The following TRPM6 variants were observed in gnomAD, a reference collection of about 807,000 sequenced individuals.
TRPM6 encodes the protein channel kinase 2.
Under a neutral mutation model 247.6 loss-of-function variants are expected in TRPM6, and 111 were observed. The observed-to-expected ratio is 0.45, with a 90% CI of 0.38 to 0.52. TRPM6 has a LOEUF of 0.52. Ranked by LOEUF, TRPM6 falls within the 20% of genes least tolerant of loss-of-function variation. The probability of loss-of-function intolerance (pLI) is 0.00; values close to 1 mark genes in which losing one functional copy is unlikely to be tolerated. For synonymous variants in TRPM6, 892 were observed against 853.8 expected, an observed-to-expected ratio of 1.04 and a Z score of -0.78; for missense variants, 2,126 against 2,421.5, an observed-to-expected ratio of 0.88 and a Z score of 2.56.
At chr9:74,885,247 G>A (rs141097313) in intron 1 of TRPM6, among the ~76,000 whole-genome samples, 3 of 152,328 alleles carry the variant, frequency 2.0e-5, no homozygotes, top group African/African-American at 7.2e-5. Flanking sequence ...ACTATATTCA[G>A]AGGATCTATG....
rs149993615 is a variant in TRPM6 at position 74,862,862 on chromosome 9, T to C, written c.34-4114A>G. On this transcript the variant is annotated intron_variant, in intron 1 of 38. Coordinates refer to ENST00000360774, the MANE Select transcript of TRPM6 (RefSeq NM_017662.5). ...CTGACGTGGTGTCGGGCGCCTATAG[T>C]CCCAGTTACTCAGGAGGCTGAGGCA... is the stretch of plus-strand genomic sequence containing the variant. Among the ~76,000 whole-genome samples the C allele has an allele frequency of 8.3e-3, 1,264 of 151,662 alleles. 21 individuals are homozygous for C. The highest frequency in any genetic ancestry group is 0.029 in the African/African-American group (1,203 of 41,422).
At chr9:74,737,545 TAAAAG>T in intron 36 of TRPM6, 8 of 677,976 alleles carry the variant, frequency 1.2e-5, no homozygotes, top group South Asian at 1.1e-4. Context: ...TTAAAAGAAA[TAAAAG>T]AACAGTGAAA....
rs1398140454 is a variant in TRPM6, at chr9:74,728,330, C to A, written c.5844G>T (p.Val1948=). 1 of 1,612,274 alleles carries A rather than the reference C, an allele frequency of 6.2e-7. No homozygotes were observed. Among genetic ancestry groups the A allele is most frequent in the Non-Finnish European group, 8.5e-7 (1 of 1,178,468 alleles). Residue 1948 remains valine (V), a synonymous_variant, in exon 38 of 39, where the codon GTG becomes GTT. Coordinates refer to ENST00000360774, the MANE Select transcript of TRPM6 (RefSeq NM_017662.5). ...CTTCCCCCAAATTGGCCGGTCCAAA[C>A]ACCATTCCTCTTGATCTAGAGGAAA... ...KPEVKQSRGM[V]FGPANLGEDA...
rs1219162611 is a variant in TRPM6 at position 74,776,238 on chromosome 9, A to G, written c.3210-162T>C. On this transcript the variant is annotated intron_variant, in intron 23 of 38. Coordinates refer to ENST00000360774, the MANE Select transcript of TRPM6 (RefSeq NM_017662.5). ...TTACAATTCTTCTTCCACCAAACAAAATATATTAGCTACCTTCTACAATGA... is the reference window on the plus strand; with the variant it reads ...TTACAATTCTTCTTCCACCAAACAAGATATATTAGCTACCTTCTACAATGA... 4 of 675,504 alleles carry G rather than the reference A, an allele frequency of 5.9e-6. No homozygotes were observed. The East Asian group carries it at 1.1e-4, about 19-fold the overall frequency. The allele number at this position is 675,504 out of a possible 1,614,324, so 41.8% of individuals were successfully genotyped here.
chr9:74,837,092 C>T (rs1009350819), intron 5 of TRPM6, among the ~76,000 whole-genome samples: 6 of 152,208 alleles, frequency 3.9e-5, no homozygotes, highest in South Asian at 4.1e-4. Flanking sequence ...TCTTTCATTC[C>T]TAACACCTAT....
intron 9 of TRPM6, among the ~76,000 whole-genome samples, chr9:74,817,978 TA>T (rs1192421280): frequency 6.6e-6 from 1 of 152,146 alleles, no homozygotes; most frequent in Non-Finnish European, 1.5e-5. Flanking sequence ...ATCATAAAGA[TA>T]AAAAACTATG....
At chr9:74,744,024 G>T (rs1156479721) in intron 32 of TRPM6, 71 bp downstream of exon 32, 4 of 1,471,208 alleles carry the variant, frequency 2.7e-6, no homozygotes, top group Non-Finnish European at 3.8e-6. Context: ...ATTTGTCAGT[G>T]TTTCTGTTTA....
At chr9:74,800,904 G>GTTTT (rs773826827) in intron 16 of TRPM6, among the ~76,000 whole-genome samples, 1 of 110,522 alleles carries the variant, frequency 9.0e-6, no homozygotes. Context: ...AATAAAGTGT[G>GTTTT]TTTTTTTTTT....
intron 1 of TRPM6, 120 bp downstream of exon 1, chr9:74,887,704 C>T (rs1587617401): frequency 6.2e-7 from 1 of 1,610,972 alleles, no homozygotes; most frequent in African/African-American, 1.3e-5. Context: ...CCTAGCTATT[C>T]TAGATCCTCG....
rs575807861 is a variant in TRPM6, at chr9:74,884,413, C to T, written c.33+3411G>A. 2.1e-3 allele frequency among the ~76,000 whole-genome samples: 325 copies of T among 151,822 alleles called. 1 individual carries two copies. Among genetic ancestry groups the T allele is most frequent in the African/African-American group, 7.5e-3 (310 of 41,408 alleles). ...CTGAGGCAGGAGAATGGTGTGAACC[C>T]AGCAGGCGGAGCTTGCACTGAGCTG... On this transcript the variant is annotated intron_variant, in intron 1 of 38. Coordinates refer to ENST00000360774, the MANE Select transcript of TRPM6 (RefSeq NM_017662.5).
intron 3 of TRPM6, among the ~76,000 whole-genome samples, chr9:74,852,169 T>C (rs1830343550): frequency 6.6e-6 from 1 of 151,904 alleles, no homozygotes; most frequent in Non-Finnish European, 1.5e-5. Flanking sequence ...AATGATAGTA[T>C]TGCAATGTAG....
At chr9:74,852,850 C>T (rs530946996) in intron 3 of TRPM6, among the ~76,000 whole-genome samples, 3 of 152,124 alleles carry the variant, frequency 2.0e-5, no homozygotes, top group South Asian at 4.2e-4. Flanking sequence ...ACAACCTCCA[C>T]CTCCCAGCCA....
rs1349257411 is a variant in TRPM6, at chr9:74,723,851, T to C, written c.*762A>G. ...AAAATATATATATTCCATATGTATT[T>C]TATATATATAATATATATATTCCAT... On this transcript the variant is annotated 3_prime_UTR_variant, in exon 39 of 39. Coordinates refer to ENST00000360774, the MANE Select transcript of TRPM6 (RefSeq NM_017662.5). The C allele has an allele frequency of 6.9e-6, 1 of 145,040 alleles. No homozygotes were observed. The highest frequency in any genetic ancestry group is 2.5e-5 in the African/African-American group (1 of 40,132). The allele number at this position is 145,040 out of a possible 1,614,324, so 9.0% of individuals were successfully genotyped here. A position where few individuals can be genotyped will look rare whatever the true frequency, so the allele number is the denominator to read the frequency against.
chr9:74,766,390 G>A (rs1826825193), intron 25 of TRPM6, among the ~76,000 whole-genome samples: 1 of 152,186 alleles, frequency 6.6e-6, no homozygotes, highest in African/African-American at 2.4e-5. Context: ...TGCAAGGTAC[G>A]AGGATGGAAG....
At position 74,762,330 on chromosome 9, in the gene TRPM6, T is replaced by G; in HGVS notation, c.4341A>C (p.Gln1447His). Reference sequence around the variant, plus strand: ...CCCAGTTTACATATCCACCTCCAGTTTGCATGATCTTGGCTTGGGAAAGAG... The same window carrying G: ...CCCAGTTTACATATCCACCTCCAGTGTGCATGATCTTGGCTTGGGAAAGAG... ...SSPLSQAKIM[Q>H]TGGGYVNWAF... The change falls in exon 26 of 39, where the codon CAA becomes CAC. Residue 1447 changes from glutamine (Q) to histidine (H), a missense_variant. This residue lies in a region of TRPM6 where 717 missense variants were observed against 715.9 expected (regional missense o/e 1.00). Transcript: ENST00000360774. 6.2e-7 allele frequency: 1 copy of G among 1,614,232 alleles called. No individual in the cohort carries two copies. Among genetic ancestry groups the G allele is most frequent in the Non-Finnish European group, 8.5e-7 (1 of 1,180,034 alleles).
intron 7 of TRPM6, among the ~76,000 whole-genome samples, chr9:74,825,459 G>A (rs552433247): frequency 1.5e-4 from 4 of 27,246 alleles, no homozygotes; most frequent in South Asian, 2.5e-3. Flanking sequence ...TCTTTCTTCC[G>A]TGTGTGTGTG....
chr9:74,755,213 T>C, intron 28 of TRPM6, 140 bp downstream of exon 28: 2 of 963,794 alleles, frequency 2.1e-6, no homozygotes, highest in South Asian at 2.8e-5. Flanking sequence ...AAAATGCTAT[T>C]TTCCTTACAG....
In TRPM6 at chr9:74,762,361, C is replaced by G; in HGVS notation, c.4310G>C (p.Ser1437Thr). 1 of 1,614,206 alleles carries G rather than the reference C, an allele frequency of 6.2e-7. No homozygotes were observed. The highest frequency in any genetic ancestry group is 8.5e-7 in the Non-Finnish European group (1 of 1,180,042). Residue 1437 changes from serine to threonine, a missense_variant, in exon 26 of 39, where the codon AGC becomes ACC. By Grantham distance (58) the Ser-to-Thr change is moderately conservative. Around this residue, in one of 3 missense-constraint regions of TRPM6, gnomAD observed 717 missense variants for 715.9 expected, o/e 1.00. Transcript: ENST00000360774. ...LSCTPEPMTMSSPLSQAKIMQ... is the reference protein window; with the variant it reads ...LSCTPEPMTMTSPLSQAKIMQ... ...GATCTTGGCTTGGGAAAGAGGGGAGCTCATTGTCATGGGTTCAGGTGTGCA... is the reference window on the plus strand; with the variant it reads ...GATCTTGGCTTGGGAAAGAGGGGAGGTCATTGTCATGGGTTCAGGTGTGCA...
intron 7 of TRPM6, 88 bp downstream of exon 7, chr9:74,827,690 A>C: frequency 7.2e-7 from 1 of 1,382,772 alleles, no homozygotes; most frequent in South Asian, 1.2e-5. Flanking sequence ...GGGGACTAGG[A>C]GAGTGAGCTC....
Sources: gnomAD v4.1 joint callset for allele counts (sites outside exome capture counted in the v4.1 genomes callset) on GRCh38, gnomAD v4.1.1 for gene constraint, gnomAD v4.1.1 regional missense constraint, MANE v1.5 for transcripts, NCBI Gene and HGNC (gene_info 2026-07-23, HGNC 2026-07-21) for gene names.